Variants in SPATS2L observed in about 807,000 individuals in gnomAD.
SPATS2L encodes spermatogenesis associated serine rich 2 like.
SPATS2L carries 30 observed loss-of-function variants against 59.6 expected under a neutral mutation model. The observed-to-expected ratio is 0.50, with a 90% CI of 0.38 to 0.68. The LOEUF (loss-of-function observed/expected upper bound fraction) is 0.68, where lower values mean the gene tolerates loss of function less well. SPATS2L is among the 30% of genes least tolerant of loss of function. The pLI is 0.00. For synonymous variants in SPATS2L, 252 were observed against 263.5 expected, an observed-to-expected ratio of 0.96 and a Z score of 0.42; for missense variants, 615 against 700.0, an observed-to-expected ratio of 0.88 and a Z score of 1.37.
rs111638987 is a variant in SPATS2L, at chr2:200,308,982, G to A, written c.-73+2060G>A. 1.2e-3 allele frequency: 827 copies of A among 713,324 alleles called. 3 individuals are homozygous for A. The highest frequency in any genetic ancestry group is 1.8e-3 in the Non-Finnish European group (677 of 382,554). The allele number at this position is 713,324 out of a possible 1,614,324, so 44.2% of individuals were successfully genotyped here. On this transcript the variant is annotated intron_variant, in intron 1 of 12. Coordinates refer to ENST00000409140, the MANE Select transcript of SPATS2L (RefSeq NM_001100423.2). ...AGAGAGTTATCTGTGGGCTTGAGAAGCTGCTCTGCCACACCAGTAAGGATC... is the reference window on the plus strand; with the variant it reads ...AGAGAGTTATCTGTGGGCTTGAGAAACTGCTCTGCCACACCAGTAAGGATC...
intron 2 of SPATS2L, among the ~76,000 whole-genome samples, chr2:200,354,324 T>C (rs1445539154): frequency 3.3e-5 from 5 of 152,110 alleles, no homozygotes; most frequent in Admixed American, 3.3e-4. Flanking sequence ...AGAATCAAGT[T>C]CAGGTCGGGC....
intron 5 of SPATS2L, 114 bp downstream of exon 5, chr2:200,416,542 C>T (rs1211594261): frequency 4.3e-6 from 2 of 465,098 alleles, no homozygotes; most frequent in African/African-American, 2.0e-5. Flanking sequence ...TTAATATATA[C>T]ACCCAGAAAG....
chr2:200,325,264 A>C (rs2105781786), intron 1 of SPATS2L, among the ~76,000 whole-genome samples: 1 of 152,352 alleles, frequency 6.6e-6, no homozygotes, highest in East Asian at 1.9e-4. Context: ...CCTCAAATAG[A>C]GCTGCTTTAA....
intron 3 of SPATS2L, among the ~76,000 whole-genome samples, chr2:200,392,536 C>T (rs117657124): frequency 1.3e-5 from 2 of 152,088 alleles, no homozygotes; most frequent in Non-Finnish European, 2.9e-5. Flanking sequence ...TAGACCGTCC[C>T]TTATTTATGG....
intron 8 of SPATS2L, among the ~76,000 whole-genome samples, chr2:200,448,528 T>C (rs1342006629): frequency 6.6e-6 from 1 of 152,148 alleles, no homozygotes; most frequent in East Asian, 1.9e-4. Flanking sequence ...AATCAAGTGT[T>C]TGAATTGTGT....
chr2:200,358,533 C>G (rs2080991781), intron 2 of SPATS2L, among the ~76,000 whole-genome samples: 1 of 151,950 alleles, frequency 6.6e-6, no homozygotes, highest in South Asian at 2.1e-4. Context: ...CCAGATTGCT[C>G]TGCTCACTCA....
intron 2 of SPATS2L, among the ~76,000 whole-genome samples, chr2:200,359,289 A>G (rs1183906962): frequency 6.6e-6 from 1 of 152,132 alleles, no homozygotes; most frequent in Non-Finnish European, 1.5e-5. Flanking sequence ...TTATCACTCT[A>G]ATCAAACTCT....
rs184275842 is a variant in SPATS2L at position 200,353,714 on chromosome 2, A to G, written c.-23+24234A>G. Among the ~76,000 whole-genome samples the G allele has an allele frequency of 2.9e-3, 437 of 152,222 alleles. 1 individual carries two copies. The highest frequency in any genetic ancestry group is 0.01 in the African/African-American group (421 of 41,546). On this transcript the variant is annotated intron_variant, in intron 2 of 12. Coordinates refer to ENST00000409140, the MANE Select transcript of SPATS2L (RefSeq NM_001100423.2). ...CTGAAGGTATTTGCCACTCAGACCC[A>G]TTGTCCTTGAGAAATGAACACATAA...
At chr2:200,343,289 C>T (rs749486093) in intron 2 of SPATS2L, among the ~76,000 whole-genome samples, 5 of 152,146 alleles carry the variant, frequency 3.3e-5, no homozygotes, top group Non-Finnish European at 5.9e-5. Flanking sequence ...CAAAATGGAA[C>T]GTATGTCAGT....
At chr2:200,416,215 T>TA (rs1453975080) in intron 4 of SPATS2L, among the ~76,000 whole-genome samples, 164 bp from the exon 5 acceptor site, 1 of 87,592 alleles carries the variant, frequency 1.1e-5, no homozygotes, top group African/African-American at 4.7e-5. Context: ...ATCTGGGAAA[T>TA]AAAAAATGAA....
At chr2:200,362,092 A>T (rs2081126484) in intron 2 of SPATS2L, among the ~76,000 whole-genome samples, 1 of 152,026 alleles carries the variant, frequency 6.6e-6, no homozygotes, top group Non-Finnish European at 1.5e-5. Context: ...ATAAAAAAAT[A>T]AAAAAATAGC....
rs569331956 is a variant in SPATS2L, at chr2:200,333,293, A to AAG, written c.-23+3825_-23+3826dup. 1.7e-4 allele frequency among the ~76,000 whole-genome samples: 26 copies of AAG among 151,740 alleles called. No individual in the cohort carries two copies. In the East Asian group the frequency reaches 4.9e-3, roughly 28 times the overall value. On this transcript the variant is annotated intron_variant, in intron 2 of 12. Transcript: ENST00000409140. The stretch of plus-strand genomic sequence containing the variant: ...AGGACAAGACCCTGTCTCAAAAAAA[A>AAG]AGAGAGAGAGAGAAAGAAAAGACAC...
At chr2:200,413,477 C>A (rs2082956069) in intron 4 of SPATS2L, among the ~76,000 whole-genome samples, 1 of 152,148 alleles carries the variant, frequency 6.6e-6, no homozygotes, top group South Asian at 2.1e-4. Context: ...TAAACAAGTT[C>A]CAGTTTTGAA....
At chr2:200,411,813 G>A (rs967810241) in intron 3 of SPATS2L, among the ~76,000 whole-genome samples, 1 of 152,154 alleles carries the variant, frequency 6.6e-6, no homozygotes, top group Admixed American at 6.5e-5. Context: ...CCACATTTTT[G>A]TATCTTTAAA....
rs563473836 is a variant in SPATS2L at position 200,392,632 on chromosome 2, T to C, written c.39+3349T>C. On this transcript the variant is annotated intron_variant, in intron 3 of 12. Coordinates refer to ENST00000409140, the MANE Select transcript of SPATS2L (RefSeq NM_001100423.2). ...CTCCTGATATTTTTTACTGTTTTTT[T>C]CCCAAATATTTTGGTTCTGTGGTTG... Among the ~76,000 whole-genome samples the C allele has an allele frequency of 1.1e-4, 16 of 152,308 alleles. No individual in the cohort carries two copies. In the East Asian group the frequency reaches 1.3e-3, roughly 13 times the overall value.
At chr2:200,458,193 A>G (rs946241431) in intron 8 of SPATS2L, among the ~76,000 whole-genome samples, 1 of 152,206 alleles carries the variant, frequency 6.6e-6, no homozygotes, top group Non-Finnish European at 1.5e-5. Flanking sequence ...CTCTTTATGG[A>G]AGAATTCCAG....
intron 8 of SPATS2L, among the ~76,000 whole-genome samples, chr2:200,455,281 G>T (rs1207395014): frequency 6.6e-6 from 1 of 152,120 alleles, no homozygotes; most frequent in Non-Finnish European, 1.5e-5. Flanking sequence ...TAAAAACTTA[G>T]TCAGAGCTCT....
intron 2 of SPATS2L, among the ~76,000 whole-genome samples, chr2:200,386,606 C>G (rs756887712): frequency 3.5e-4 from 53 of 152,212 alleles, no homozygotes; most frequent in Non-Finnish European, 6.5e-4. Flanking sequence ...TGCTGCACAT[C>G]CAAATCCTAG....
At chr2:200,335,363 G>A (rs1243603787) in intron 2 of SPATS2L, among the ~76,000 whole-genome samples, 1 of 148,244 alleles carries the variant, frequency 6.7e-6, no homozygotes, top group Non-Finnish European at 1.5e-5. Context: ...GGGCGACAGA[G>A]CAAAGATTCT....
Sources: allele counts gnomAD v4.1 joint callset (sites outside exome capture counted in the v4.1 genomes callset), GRCh38; gene constraint gnomAD v4.1.1; transcripts MANE v1.5; gene names NCBI Gene and HGNC (gene_info 2026-07-23, HGNC 2026-07-21).